NTN1: variants seen among roughly 807,000 people sequenced by gnomAD.
NTN1 encodes netrin 1, also known as netrin-1.
NTN1 carries 11 observed loss-of-function variants against 54.2 expected under a neutral mutation model. The ratio of observed to expected loss-of-function variants is 0.20; its 90% CI spans 0.13 to 0.34. The LOEUF (loss-of-function observed/expected upper bound fraction) is 0.34, where lower values mean the gene tolerates loss of function less well. NTN1 is among the 10% of genes least tolerant of loss of function. The probability of loss-of-function intolerance (pLI) is 1.00; values close to 1 mark genes in which losing one functional copy is unlikely to be tolerated. For missense variants in NTN1, 740 were observed against 893.1 expected, an observed-to-expected ratio of 0.83 and a Z score of 2.18; for synonymous variants, 371 against 382.0, an observed-to-expected ratio of 0.97 and a Z score of 0.33.
intron 5 of NTN1, among the ~76,000 whole-genome samples, chr17:9,200,464 C>T (rs935160848): frequency 1.1e-4 from 17 of 152,222 alleles, no homozygotes; most frequent in South Asian, 2.1e-4. Flanking sequence ...CAGCCGCAGA[C>T]GGATGGAGGC....
intron 5 of NTN1, among the ~76,000 whole-genome samples, chr17:9,204,290 T>TTC (rs72069347): frequency 0.045 from 6,473 of 143,504 alleles, 248 homozygotes; most frequent in East Asian, 0.16. Context: ...CTCTATCTCT[T>TTC]TCTCTCTCTC....
intron 4 of NTN1, among the ~76,000 whole-genome samples, chr17:9,180,594 AGGAGTGCTGTTGTCACTATTGCC>A (rs1406386548): frequency 6.6e-6 from 1 of 152,138 alleles, no homozygotes; most frequent in African/African-American, 2.4e-5. Flanking sequence ...GGCCCATTCC[AGGAGTGCTGTTGTCACTATTGCC>A]GGAATGCCGG....
At chr17:9,114,166 A>AAAAATAT (rs1555569108) in intron 2 of NTN1, among the ~76,000 whole-genome samples, 5 of 74,656 alleles carry the variant, frequency 6.7e-5, no homozygotes, top group African/African-American at 2.9e-4. Context: ...AAAAAAAAAA[A>AAAAATAT]ATATATATAT....
At chr17:9,013,869 A>G in the NTN1 span, among the ~76,000 whole-genome samples, 1 of 152,170 alleles carries the variant, frequency 6.6e-6, no homozygotes, top group Non-Finnish European at 1.5e-5. Flanking sequence ...GCCTCCCTAC[A>G]CAGTGACCCA....
chr17:9,158,127 G>A (rs1287523407), intron 2 of NTN1, among the ~76,000 whole-genome samples: 5 of 152,210 alleles, frequency 3.3e-5, no homozygotes, highest in Non-Finnish European at 7.3e-5. Flanking sequence ...ATGGGCATTT[G>A]CCACTTGATG....
At chr17:9,006,251 G>C in the NTN1 span, among the ~76,000 whole-genome samples, 55 of 152,298 alleles carry the variant, frequency 3.6e-4, no homozygotes, top group African/African-American at 1.1e-3. Flanking sequence ...AACTGGGCAG[G>C]CTTCTCTGGA....
chr17:9,229,904 G>A (rs1905746979), intron 6 of NTN1, among the ~76,000 whole-genome samples: 1 of 152,138 alleles, frequency 6.6e-6, no homozygotes, highest in South Asian at 2.1e-4. Flanking sequence ...GTGGGTCAGT[G>A]TGTGGTGGGC....
At chr17:9,068,312 G>A (rs2092021921) in intron 2 of NTN1, among the ~76,000 whole-genome samples, 1 of 152,038 alleles carries the variant, frequency 6.6e-6, no homozygotes, top group South Asian at 2.1e-4. Context: ...CTCCTGAGGA[G>A]CTAGAACCAA....
intron 2 of NTN1, among the ~76,000 whole-genome samples, chr17:9,062,911 A>G (rs973671780): frequency 2.0e-5 from 3 of 152,200 alleles, no homozygotes; most frequent in Admixed American, 2.0e-4. Flanking sequence ...GGATTGTGGG[A>G]AACATTTTCA....
At chr17:9,005,806 G>C in the NTN1 span, among the ~76,000 whole-genome samples, 5 of 152,206 alleles carry the variant, frequency 3.3e-5, no homozygotes, top group East Asian at 9.6e-4. Context: ...CACCCAGCCA[G>C]ATGAGGAGAG....
At chr17:9,138,643 C>T (rs139851548) in intron 2 of NTN1, among the ~76,000 whole-genome samples, 7 of 152,276 alleles carry the variant, frequency 4.6e-5, no homozygotes, top group African/African-American at 7.2e-5. Context: ...CTGACAGCCG[C>T]GTGCCGGGTA....
the NTN1 span, among the ~76,000 whole-genome samples, chr17:9,012,860 C>T: frequency 3.3e-5 from 5 of 152,206 alleles, no homozygotes; most frequent in African/African-American, 1.2e-4. Flanking sequence ...CTAAACGCAT[C>T]CTGTTTCATT....
At chr17:9,178,961 C>A (rs1413449471) in intron 3 of NTN1, 1 of 152,232 alleles carries the variant, frequency 6.6e-6, no homozygotes, top group East Asian at 1.9e-4. Context: ...AGCGACAGAG[C>A]CTCCGTGAAG....
chr17:9,104,774 C>A (rs1055555119), intron 2 of NTN1, among the ~76,000 whole-genome samples: 1 of 152,154 alleles, frequency 6.6e-6, no homozygotes, highest in Non-Finnish European at 1.5e-5. Context: ...GACAGGGAGA[C>A]TTTAGGCGGG....
chr17:9,163,147 GACACACACAC>G (rs56255655), intron 3 of NTN1, 146 bp downstream of exon 3: 156,088 of 522,718 alleles, frequency 0.3, 12,731 homozygotes, highest in East Asian at 0.5. Context: ...CTCTCTCTGT[GACACACACAC>G]ACACACACAC....
chr17:9,104,870 C>T (rs1201893364), intron 2 of NTN1, among the ~76,000 whole-genome samples: 1 of 152,182 alleles, frequency 6.6e-6, no homozygotes, highest in Non-Finnish European at 1.5e-5. Context: ...GACCTGACAG[C>T]CAGGGACCTG....
In NTN1 at chr17:9,182,943, C is replaced by T. The variant is rs1426866580; in HGVS notation, c.1385C>T (p.Ala462Val). 1 of 1,614,042 alleles carries T rather than the reference C, an allele frequency of 6.2e-7. No homozygotes were observed. The highest frequency in any genetic ancestry group is 8.5e-7 in the Non-Finnish European group (1 of 1,180,004). Reference sequence around the variant, plus strand: ...ATCCCTGTAGCGCCGCCGACGACTGCAGCCAGCAGCGTGGAGGAGCCTGAA... The same window carrying T: ...ATCCCTGTAGCGCCGCCGACGACTGTAGCCAGCAGCGTGGAGGAGCCTGAA... ...IKIPVAPPTT[A>V]ASSVEEPEDC... The change falls in exon 5 of 7, where the codon GCA becomes GTA. Residue 462 changes from alanine (A) to valine (V), a missense_variant. Ala to Val is a moderately conservative substitution (Grantham distance 64). Transcript: ENST00000173229.
chr17:9,020,519 C>A (rs2091842548), upstream of NTN1, among the ~76,000 whole-genome samples: 1 of 152,224 alleles, frequency 6.6e-6, no homozygotes, highest in Admixed American at 6.5e-5. Context: ...GGAGCCCAGG[C>A]TTCTCTTCCT....
intron 2 of NTN1, among the ~76,000 whole-genome samples, chr17:9,134,958 T>C (rs1279760602): frequency 6.6e-6 from 1 of 152,146 alleles, no homozygotes; most frequent in African/African-American, 2.4e-5. Flanking sequence ...GGGAGGCCTG[T>C]CCCTGAGTTC....
Sources: gnomAD v4.1 joint callset for allele counts (sites outside exome capture counted in the v4.1 genomes callset) on GRCh38, gnomAD v4.1.1 for gene constraint, MANE v1.5 for transcripts, NCBI Gene and HGNC (gene_info 2026-07-23, HGNC 2026-07-21) for gene names.